Variants in RAB12 observed in about 807,000 individuals in gnomAD.
RAB12 encodes ras-related protein Rab-12.
In RAB12, 11 loss-of-function variants were observed where a neutral mutation model predicts 28.4. The ratio of observed to expected loss-of-function variants is 0.39; its 90% CI spans 0.24 to 0.64. The LOEUF (loss-of-function observed/expected upper bound fraction) is 0.64, where lower values mean the gene tolerates loss of function less well. Ranked by LOEUF, RAB12 falls within the 30% of genes least tolerant of loss-of-function variation. The pLI is 0.50. For missense variants in RAB12, 276 were observed against 351.1 expected, an observed-to-expected ratio of 0.79 and a Z score of 1.71; for synonymous variants, 138 against 145.3, an observed-to-expected ratio of 0.95 and a Z score of 0.36.
chr18:8,613,834 GTA>G (rs2096005222), intron 1 of RAB12, among the ~76,000 whole-genome samples: 1 of 134,232 alleles, frequency 7.4e-6, no homozygotes, highest in Non-Finnish European at 1.7e-5. Context: ...AATAGAAGTA[GTA>G]GTAGTAGTAG....
intron 1 of RAB12, among the ~76,000 whole-genome samples, chr18:8,615,874 A>C (rs1049964873): frequency 6.6e-6 from 1 of 152,192 alleles, no homozygotes; most frequent in African/African-American, 2.4e-5. Context: ...TTTATTATGC[A>C]TGACAGAGAT....
At chr18:8,636,741 G>A (rs1170055342) in intron 5 of RAB12, among the ~76,000 whole-genome samples, 1 of 152,196 alleles carries the variant, frequency 6.6e-6, no homozygotes, top group South Asian at 2.1e-4. Context: ...GAGCCCCGTG[G>A]TGCTGCGCTT....
intron 2 of RAB12, among the ~76,000 whole-genome samples, chr18:8,627,025 C>G (rs915564921): frequency 1.3e-5 from 2 of 152,196 alleles, no homozygotes; most frequent in Non-Finnish European, 2.9e-5. Flanking sequence ...TTTTTATCTT[C>G]TGAAATATTT....
In RAB12 at chr18:8,638,184, T is replaced by C; in HGVS notation, c.945T>C (p.Asn315=). ...PLDILRNELS[N]SILSLQPEPE... Reference sequence around the variant, plus strand: ...ATATTTTAAGGAATGAGTTGTCCAATAGTATCCTGTCGTTACAACCAGAGC... The same window carrying C: ...ATATTTTAAGGAATGAGTTGTCCAACAGTATCCTGTCGTTACAACCAGAGC... The change falls in exon 6 of 6, where the codon AAT becomes AAC. Residue 315 remains asparagine, a synonymous_variant. Coordinates refer to ENST00000649141, the MANE Select transcript of RAB12 (RefSeq NM_001025300.3). The C allele has an allele frequency of 6.2e-7, 1 of 1,613,822 alleles. No homozygotes were observed.
chr18:8,626,118 T>G (rs1422794932), intron 2 of RAB12, among the ~76,000 whole-genome samples: 4 of 152,378 alleles, frequency 2.6e-5, no homozygotes, highest in South Asian at 2.1e-4. Flanking sequence ...TTGGCTTGAT[T>G]ATGAAACATT....
rs190367613 is a variant in RAB12 at position 8,627,745 on chromosome 18, A to G, written c.575+2747A>G. 2.3e-3 allele frequency among the ~76,000 whole-genome samples: 344 copies of G among 152,302 alleles called. 2 individuals carry two copies. The highest frequency in any genetic ancestry group is 0.014 in the Middle Eastern group (4 of 294). ...CAAACACAGAATTGAAATGCTTCAT[A>G]TAAGGGCCCTTTGTTCTGCCTGTCG... On this transcript the variant is annotated intron_variant, in intron 2 of 5. Transcript: ENST00000649141.
intron 3 of RAB12, among the ~76,000 whole-genome samples, chr18:8,634,341 G>A (rs1037316318): frequency 9.5e-5 from 14 of 147,810 alleles, no homozygotes; most frequent in Middle Eastern, 3.4e-3. Flanking sequence ...GGGTTGCAAG[G>A]TTGGATCAGA....
chr18:8,634,307 T>TTTTAAAA, intron 3 of RAB12, among the ~76,000 whole-genome samples: 1 of 136,034 alleles, frequency 7.4e-6, no homozygotes, highest in Non-Finnish European at 1.6e-5. Context: ...TTTTTTTCAT[T>TTTTAAAA]AAAAAAAAAA....
At chr18:8,611,980 G>A (rs1365945897) in intron 1 of RAB12, among the ~76,000 whole-genome samples, 1 of 152,238 alleles carries the variant, frequency 6.6e-6, no homozygotes, top group Non-Finnish European at 1.5e-5. Flanking sequence ...AGAGCGGGAA[G>A]ACACTGTGAG....
Position 8,636,377 on chromosome 18 carries a change from T to G in RAB12, c.909+20T>G, listed in dbSNP as rs753226475. ...AAAAAGGTAAAAAAAAGAATCTACA[T>G]TATAAAAGTATATCATCTGAAACCT... On this transcript the variant is annotated intron_variant, in intron 5 of 5. Coordinates refer to ENST00000649141, the MANE Select transcript of RAB12 (RefSeq NM_001025300.3). 1.4e-6 allele frequency: 2 copies of G among 1,408,716 alleles called. No individual in the cohort carries two copies. The highest frequency in any genetic ancestry group is 2.4e-5 in the South Asian group (2 of 81,786). The allele number at this position is 1,408,716 out of a possible 1,614,324, so 87.3% of individuals were successfully genotyped here. A position where few individuals can be genotyped will look rare whatever the true frequency, so the allele number is the denominator to read the frequency against.
At chr18:8,614,368 G>A (rs1423505784) in intron 1 of RAB12, among the ~76,000 whole-genome samples, 1 of 151,806 alleles carries the variant, frequency 6.6e-6, no homozygotes, top group African/African-American at 2.4e-5. Context: ...ACCAAAATAG[G>A]TATATTTGAA....
intron 3 of RAB12, among the ~76,000 whole-genome samples, chr18:8,634,878 T>A (rs1332592788): frequency 1.3e-5 from 2 of 152,254 alleles, no homozygotes; most frequent in Non-Finnish European, 2.9e-5. Context: ...TAACCTCATT[T>A]TTAAAGACAG....
chr18:8,631,248 A>G (rs1003813266), intron 2 of RAB12, among the ~76,000 whole-genome samples: 6 of 152,238 alleles, frequency 3.9e-5, no homozygotes, highest in African/African-American at 1.4e-4. Flanking sequence ...CATCTTTTCA[A>G]CAAAACCAGA....
chr18:8,625,620 T>G (rs564282016), intron 2 of RAB12, among the ~76,000 whole-genome samples: 21 of 152,320 alleles, frequency 1.4e-4, no homozygotes, highest in Admixed American at 9.8e-4. Context: ...AGCTTTCTGT[T>G]AGCTATTAAC....
chr18:8,613,994 A>G (rs540179568), intron 1 of RAB12, among the ~76,000 whole-genome samples: 1 of 152,342 alleles, frequency 6.6e-6, no homozygotes, highest in East Asian at 1.9e-4. Context: ...CTGCTGTGGC[A>G]CAGCTGCTCA....
At chr18:8,616,679 A>G (rs1419412158) in intron 1 of RAB12, among the ~76,000 whole-genome samples, 1 of 152,038 alleles carries the variant, frequency 6.6e-6, no homozygotes, top group Non-Finnish European at 1.5e-5. Flanking sequence ...ACACACCTGC[A>G]GTCAAATTTT....
At chr18:8,614,480 T>C (rs28608900) in intron 1 of RAB12, among the ~76,000 whole-genome samples, 21,819 of 149,342 alleles carry the variant, frequency 0.15, 1,804 homozygotes, top group South Asian at 0.2. Flanking sequence ...GATTGCCAGT[T>C]CTTTATTTTG....
intron 2 of RAB12, among the ~76,000 whole-genome samples, chr18:8,627,325 G>A (rs578044380): frequency 1.6e-4 from 24 of 152,292 alleles, no homozygotes; most frequent in Admixed American, 1.4e-3. Flanking sequence ...GCTCTGCTCC[G>A]ATTTTCTAGA....
intron 5 of RAB12, among the ~76,000 whole-genome samples, chr18:8,637,477 A>T (rs958298697): frequency 2.0e-5 from 3 of 152,154 alleles, no homozygotes; most frequent in Non-Finnish European, 2.9e-5. Context: ...GGCATTGTTC[A>T]TGTTGTGATA....
Sources: gnomAD v4.1 joint callset for allele counts (sites outside exome capture counted in the v4.1 genomes callset) on GRCh38, gnomAD v4.1.1 for gene constraint, MANE v1.5 for transcripts, NCBI Gene and HGNC (gene_info 2026-07-23, HGNC 2026-07-21) for gene names.